Variants in ATG13 observed in about 807,000 individuals in gnomAD.
ATG13 encodes autophagy related 13.
In ATG13, 23 loss-of-function variants were observed where a neutral mutation model predicts 65.5. That is an observed-to-expected ratio of 0.35 (90% CI 0.25 to 0.50). ATG13 has a LOEUF of 0.50. ATG13 is among the 20% of genes least tolerant of loss of function. The pLI is 0.98. For synonymous variants in ATG13, 252 were observed against 245.2 expected (o/e 1.03, Z -0.26); for missense variants, 566 against 677.0 (o/e 0.84, Z 1.82).
In ATG13 at chr11:46,622,129, T is replaced by A. The variant is rs1411778285; in HGVS notation, c.-70+4239T>A. 3.8e-3 allele frequency among the ~76,000 whole-genome samples: 390 copies of A among 103,190 alleles called. 14 individuals are homozygous for A. In the East Asian group the frequency reaches 0.084, roughly 22 times the overall value. The allele number at this position is 103,190 out of a possible 152,430, so 67.7% of individuals were successfully genotyped here. A position where few individuals can be genotyped will look rare whatever the true frequency, so the allele number is the denominator to read the frequency against. On this transcript the variant is annotated intron_variant, in intron 1 of 18. Transcript: ENST00000683050. Reference sequence around the variant, plus strand: ...TATATATATATATATATATATATATTTATTTTAGAGATGGTATTTGCCCTG... The same window carrying A: ...TATATATATATATATATATATATATATATTTTAGAGATGGTATTTGCCCTG...
At chr11:46,643,435 C>T (rs1335541478) in intron 2 of ATG13, among the ~76,000 whole-genome samples, 1 of 152,090 alleles carries the variant, frequency 6.6e-6, no homozygotes, top group Non-Finnish European at 1.5e-5. Context: ...TGGCTCAGGA[C>T]GTCCATTAAC....
At chr11:46,654,281 TTTTATATATATATATA>T (rs2059557193) in intron 7 of ATG13, among the ~76,000 whole-genome samples, 1 of 81,930 alleles carries the variant, frequency 1.2e-5, no homozygotes, top group African/African-American at 6.0e-5. Context: ...ATTTTTAAAA[TTTTATATATATATATA>T]TATATATATA....
chr11:46,665,867 C>T (rs776325901), intron 14 of ATG13, among the ~76,000 whole-genome samples: 1 of 126,588 alleles, frequency 7.9e-6, no homozygotes, highest in Non-Finnish European at 1.6e-5. Flanking sequence ...TGCAGTGGTA[C>T]AATCATGGCT....
chr11:46,618,637 A>G (rs1272327289), intron 1 of ATG13, among the ~76,000 whole-genome samples: 1 of 152,216 alleles, frequency 6.6e-6, no homozygotes, highest in Non-Finnish European at 1.5e-5. Flanking sequence ...ATAATAAGAA[A>G]CAACAAGCTC....
intron 2 of ATG13, among the ~76,000 whole-genome samples, chr11:46,637,286 C>T (rs1203319463): frequency 6.6e-6 from 1 of 152,110 alleles, no homozygotes; most frequent in African/African-American, 2.4e-5. Flanking sequence ...CACTCTGTTT[C>T]CCAGGATGGG....
At chr11:46,663,971 C>CTTTTTTTTTTTTTT in intron 11 of ATG13, 26 bp from the exon 12 acceptor site, 1 of 974,230 alleles carries the variant, frequency 1.0e-6, no homozygotes, top group South Asian at 1.7e-5. Flanking sequence ...TTTGTTTCTC[C>CTTTTTTTTTTTTTT]TGTCTCTGTG....
intron 1 of ATG13, among the ~76,000 whole-genome samples, chr11:46,618,745 G>GT (rs936650178): frequency 7.1e-4 from 105 of 148,268 alleles, no homozygotes; most frequent in East Asian, 2.9e-3. Flanking sequence ...CAATTATGAG[G>GT]TTTTTTTTTT....
At chr11:46,633,027 T>TATA (rs1491210178) in intron 2 of ATG13, among the ~76,000 whole-genome samples, 2,356 of 80,344 alleles carry the variant, frequency 0.029, 24 homozygotes, top group African/African-American at 0.048. Flanking sequence ...TATATATATA[T>TATA]TTTTTTTTTT....
chr11:46,624,820 C>T (rs999933875), intron 1 of ATG13, among the ~76,000 whole-genome samples: 4 of 152,004 alleles, frequency 2.6e-5, no homozygotes, highest in Non-Finnish European at 2.9e-5. Context: ...ATTGCCTGAG[C>T]GCAAGAGTTT....
chr11:46,645,383 C>T lies in ATG13; in HGVS notation c.114C>T (p.Cys38=), dbSNP rs779760415. The change falls in exon 4 of 19, where the codon TGC becomes TGT. Residue 38 remains cysteine (C), a synonymous_variant. Transcript: ENST00000683050. ...AGGCTCGGCTTGGTGAAAAGATTTG[C>T]ACTCGTTCATCATCTTCTCCAACGG... ...IVQARLGEKI[C]TRSSSSPTGS... 5.0e-6 allele frequency: 8 copies of T among 1,613,438 alleles called. No individual in the cohort carries two copies. In the Admixed American group the frequency reaches 5.0e-5, roughly 10 times the overall value.
intron 11 of ATG13, among the ~76,000 whole-genome samples, chr11:46,663,070 C>T (rs190495582): frequency 1.3e-3 from 194 of 152,094 alleles, no homozygotes; most frequent in Non-Finnish European, 1.9e-3. Context: ...TCGAGACCAT[C>T]CTGGCTAACA....
At chr11:46,618,258 A>G (rs964113270) in intron 1 of ATG13, 3 of 181,252 alleles carry the variant, frequency 1.7e-5, no homozygotes, top group Non-Finnish European at 3.4e-5. Context: ...CTCCGCGTGT[A>G]GGTGAGGGTG....
At chr11:46,638,958 C>G (rs550844593) in intron 2 of ATG13, among the ~76,000 whole-genome samples, 2 of 151,812 alleles carry the variant, frequency 1.3e-5, no homozygotes, top group Non-Finnish European at 2.9e-5. Flanking sequence ...CAGGCATGTG[C>G]CACCACACTC....
At chr11:46,665,351 G>A (rs1353285025) in intron 13 of ATG13, 32 bp from the exon 14 acceptor site, 7 of 1,606,010 alleles carry the variant, frequency 4.4e-6, no homozygotes, top group Non-Finnish European at 6.0e-6. Context: ...GGCATGCCAT[G>A]ATTCACTGTC....
In ATG13 at chr11:46,625,074, T is replaced by C. The variant is rs115325619; in HGVS notation, c.-69-4971T>C. 6.4e-3 allele frequency among the ~76,000 whole-genome samples: 954 copies of C among 149,884 alleles called. 10 individuals carry two copies. Among genetic ancestry groups the C allele is most frequent in the African/African-American group, 0.016 (631 of 40,674 alleles). ...CAGTGGCTCACACCTGTAATCCTAA[T>C]CCCAACACTTTAGGAGGCCAAGATG... On this transcript the variant is annotated intron_variant, in intron 1 of 18. Transcript: ENST00000683050.
chr11:46,669,052 T>C (rs1265034973), intron 17 of ATG13, 142 bp downstream of exon 17: 1 of 766,628 alleles, frequency 1.3e-6, no homozygotes, highest in Non-Finnish European at 2.1e-6. Context: ...GAGTCTGGTC[T>C]GGGGAGACAT....
At chr11:46,632,539 G>A (rs1342159922) in intron 2 of ATG13, 1 of 152,088 alleles carries the variant, frequency 6.6e-6, no homozygotes, top group African/African-American at 2.4e-5. Context: ...GCTGATGTGT[G>A]GCCTTAAAAC....
intron 18 of ATG13, among the ~76,000 whole-genome samples, chr11:46,671,430 C>T (rs1437212095): frequency 6.6e-6 from 1 of 152,218 alleles, no homozygotes; most frequent in Non-Finnish European, 1.5e-5. Flanking sequence ...ACCCCTTCCT[C>T]AGCTGGTATA....
rs1055904206 is a variant in ATG13, at chr11:46,630,051, G to A, written c.-63G>A. On this transcript the variant is annotated 5_prime_UTR_variant, in exon 2 of 19. The change creates a premature stop within an existing upstream ORF in the 5' untranslated region. Coordinates refer to ENST00000683050, the MANE Select transcript of ATG13 (RefSeq NM_001346311.2). The stretch of plus-strand genomic sequence containing the variant: ...TGATCATATTTCTCTACAGCATCTT[G>A]GACTCAAGTGATTCTCCTGCCTCAG... The A allele has an allele frequency of 2.6e-5, 4 of 152,214 alleles. No individual in the cohort carries two copies. The highest frequency in any genetic ancestry group is 9.6e-5 in the African/African-American group (4 of 41,530). The allele number at this position is 152,214 out of a possible 1,614,324, so 9.4% of individuals were successfully genotyped here.
Sources: gnomAD v4.1 joint callset for allele counts (sites outside exome capture counted in the v4.1 genomes callset) on GRCh38, gnomAD v4.1.1 for gene constraint, MANE v1.5 for transcripts, NCBI Gene and HGNC (gene_info 2026-07-23, HGNC 2026-07-21) for gene names.